Variants in RPL31 observed in about 807,000 individuals in gnomAD.
RPL31 encodes the protein large ribosomal subunit protein eL31.
For missense variants in RPL31, 95 were observed against 164.0 expected (o/e 0.58, Z 2.30); for synonymous variants, 51 against 55.0 (o/e 0.93, Z 0.32).
downstream of RPL31, among the ~76,000 whole-genome samples, chr2:101,008,994 T>A (rs1678966275): frequency 6.6e-6 from 1 of 152,226 alleles, no homozygotes; most frequent in Non-Finnish European, 1.5e-5. Context: ...TGCCTGTTGT[T>A]TTCTCAGTGT....
At chr2:101,010,119 G>C (rs1472654087), downstream of RPL31, among the ~76,000 whole-genome samples, 1 of 152,058 alleles carries the variant, frequency 6.6e-6, no homozygotes, top group Admixed American at 6.6e-5. Flanking sequence ...AGCCAAAAAG[G>C]AGCATTTTTA....
chr2:101,009,445 A>G (rs1167368886), downstream of RPL31, among the ~76,000 whole-genome samples: 1 of 151,904 alleles, frequency 6.6e-6, no homozygotes, highest in East Asian at 1.9e-4. Context: ...GGGTACTAAT[A>G]TAACAAATAT....
At chr2:101,007,538 C>T (rs1032111698), downstream of RPL31, 3 of 394,118 alleles carry the variant, frequency 7.6e-6, no homozygotes, top group African/African-American at 4.0e-5. Flanking sequence ...AGAGCAAAAT[C>T]AACACTAGCA....
At chr2:101,009,458 AT>A (rs1679021682), downstream of RPL31, among the ~76,000 whole-genome samples, 4 of 151,756 alleles carry the variant, frequency 2.6e-5, no homozygotes, top group Non-Finnish European at 4.4e-5. Flanking sequence ...ACAAATATTT[AT>A]TTGGGGGAAA....
chr2:101,008,313 G>T (rs1477616002), downstream of RPL31: 4 of 1,453,966 alleles, frequency 2.8e-6, no homozygotes, highest in South Asian at 3.0e-5. Context: ...CAGAACCAGG[G>T]TGGAAGTGTC....
At chr2:101,002,336 C>T (rs62152939) in intron 1 of RPL31, 21 bp downstream of exon 1, 4 of 215,356 alleles carry the variant, frequency 1.9e-5, no homozygotes, top group African/African-American at 6.9e-5. Context: ...GTGGCGGAGT[C>T]TGGGCTCCTG....
chr2:101,019,164 G>T, exon 5 of RPL31: 2 of 1,333,130 alleles, frequency 1.5e-6, no homozygotes, highest in Admixed American at 2.1e-5. Context: ...CCTGGCAGAG[G>T]GCCAGGCCTG....
chr2:101,010,845 G>A, downstream of RPL31: 3 of 1,175,404 alleles, frequency 2.6e-6, no homozygotes. Context: ...TCGCGCCACT[G>A]TACTCCAGCC....
chr2:101,006,634 G>C lies in RPL31; in HGVS notation c.*253G>C. 2.5e-6 allele frequency: 1 copy of C among 400,448 alleles called. No homozygotes were observed. The highest frequency in any genetic ancestry group is 4.4e-6 in the Non-Finnish European group (1 of 226,940). The allele number at this position is 400,448 out of a possible 1,614,324, so 24.8% of individuals were successfully genotyped here. A position where few individuals can be genotyped will look rare whatever the true frequency, so the allele number is the denominator to read the frequency against. On this transcript the variant is annotated 3_prime_UTR_variant, in exon 5 of 5. Transcript: ENST00000264258. ...AGGCATATTGTTAATTATTCTACTT[G>C]TATGTTTTGCTAATTCTAAGATAAG...
chr2:101,018,995 T>C (rs753007490), intron 4 of RPL31: 1 of 1,612,206 alleles, frequency 6.2e-7, no homozygotes, highest in African/African-American at 1.3e-5. Flanking sequence ...ATTTCTGTGC[T>C]AGTTTCTGTG....
At chr2:101,012,301 A>C (rs1470185283) in intron 4 of RPL31, among the ~76,000 whole-genome samples, 1 of 152,230 alleles carries the variant, frequency 6.6e-6, no homozygotes, top group Non-Finnish European at 1.5e-5. Flanking sequence ...AAACACCCAA[A>C]TGTTGAATAA....
chr2:101,002,907 G>A, intron 2 of RPL31, 99 bp downstream of exon 2: 4 of 853,788 alleles, frequency 4.7e-6, no homozygotes, highest in Admixed American at 2.1e-5. Context: ...TTCCTCTTGT[G>A]GCCTTCCCTG....
At chr2:101,013,718 A>G in intron 4 of RPL31, among the ~76,000 whole-genome samples, 1 of 152,188 alleles carries the variant, frequency 6.6e-6, no homozygotes, top group East Asian at 1.9e-4. Context: ...CACTTTCTAA[A>G]TGGGATGCCT....
chr2:101,011,064 A>G (rs1679173334), downstream of RPL31: 2 of 1,590,712 alleles, frequency 1.3e-6, no homozygotes, highest in Non-Finnish European at 8.6e-7. Flanking sequence ...TTTAATTTAA[A>G]TAAATTCAGT....
At chr2:101,019,250 TAAGTGAAGAGAA>T in exon 5 of RPL31, 3 of 459,078 alleles carry the variant, frequency 6.5e-6, no homozygotes, top group African/African-American at 1.9e-5. Flanking sequence ...TAATAAGACT[TAAGTGAAGAGAA>T]TTCTTTAGGC....
At position 101,006,456 on chromosome 2, in the gene RPL31, A is replaced by G. The variant is rs951684114; in HGVS notation, c.*75A>G. The G allele has an allele frequency of 5.1e-6, 7 of 1,372,538 alleles. No homozygotes were observed. In the Admixed American group the frequency reaches 5.9e-5, roughly 12 times the overall value. 85.0% of individuals were successfully genotyped at this position (1,372,538 alleles called of 1,614,324 possible). ...GTTCTTTTTAGTTGCAACATAATGTACTTGTATACCCTATCCTAATTATGG... is the reference window on the plus strand; with the variant it reads ...GTTCTTTTTAGTTGCAACATAATGTGCTTGTATACCCTATCCTAATTATGG... On this transcript the variant is annotated 3_prime_UTR_variant, in exon 5 of 5. Transcript: ENST00000264258.
intron 4 of RPL31, among the ~76,000 whole-genome samples, chr2:101,012,790 AAAAT>A (rs1159310081): frequency 2.0e-5 from 3 of 152,222 alleles, no homozygotes; most frequent in Non-Finnish European, 4.4e-5. Flanking sequence ...CATTTCACTG[AAAAT>A]AAATCAAAGG....
downstream of RPL31, chr2:101,011,506 C>T (rs775959668): frequency 1.2e-5 from 20 of 1,613,900 alleles, no homozygotes; most frequent in Admixed American, 3.3e-5. Context: ...GATTCCTCAA[C>T]GGCGACTGGC....
At chr2:101,011,275 C>G, downstream of RPL31, 3 of 725,266 alleles carry the variant, frequency 4.1e-6, no homozygotes, top group Non-Finnish European at 6.7e-6. Flanking sequence ...GGCAGCCACC[C>G]AGCAACACCC....
Sources: gnomAD v4.1 joint callset for allele counts (sites outside exome capture counted in the v4.1 genomes callset) on GRCh38, gnomAD v4.1.1 for gene constraint, MANE v1.5 for transcripts, NCBI Gene and HGNC (gene_info 2026-07-23, HGNC 2026-07-21) for gene names.